The following GLRA2 variants were observed in gnomAD, a reference collection of about 807,000 sequenced individuals.
GLRA2 encodes the protein glycine receptor subunit alpha-2.
Under a neutral mutation model 31.6 loss-of-function variants are expected in GLRA2, and 11 were observed. That is an observed-to-expected ratio of 0.35 (90% CI 0.22 to 0.58). GLRA2 has a LOEUF of 0.58. GLRA2 is among the 20% of genes least tolerant of loss of function. GLRA2 has a pLI of 0.84. For missense variants in GLRA2, 212 were observed against 351.8 expected (o/e 0.60, Z 3.18); for synonymous variants, 132 against 134.0 (o/e 0.99, Z 0.10).
At chrX:14,698,092 G>T (rs770473191) in intron 8 of GLRA2, among the ~76,000 whole-genome samples, 64 of 111,865 alleles carry the variant, frequency 5.7e-4, no homozygotes, top group African/African-American at 1.8e-3. Flanking sequence ...GGTGAGGCAA[G>T]GTGAAGCAAA....
rs1264154521 is a variant in GLRA2 at position 14,731,167 on chromosome X, A to G, written c.*682A>G. 8.9e-6 allele frequency: 1 copy of G among 112,159 alleles called. No homozygotes were observed. Among genetic ancestry groups the G allele is most frequent in the East Asian group, 2.8e-4 (1 of 3,567 alleles). The allele number at this position is 112,159 out of a possible 1,213,427, so 9.2% of individuals were successfully genotyped here. ...AATAACAATGACAAAATAAACACCA[A>G]TGACAGAAAAATTTCTACTTTACTG... On this transcript the variant is annotated 3_prime_UTR_variant, in exon 9 of 9. Coordinates refer to ENST00000218075, the MANE Select transcript of GLRA2 (RefSeq NM_002063.4).
Position 14,623,744 on chromosome X carries a change from A to G in GLRA2, c.930+14539A>G, listed in dbSNP as rs1477116878. Among the ~76,000 whole-genome samples, 21 of 111,330 alleles carry G rather than the reference A, an allele frequency of 1.9e-4. No homozygotes were observed. In the East Asian group the frequency reaches 4.8e-3, roughly 26 times the overall value. On this transcript the variant is annotated intron_variant, in intron 7 of 8. Coordinates refer to ENST00000218075, the MANE Select transcript of GLRA2 (RefSeq NM_002063.4). ...AGCTTTTTGATGTGCTGCTGGATTC[A>G]GTTTGCCAGTATTTTATTGAGGATT...
chrX:14,529,930 C>A lies in GLRA2; in HGVS notation c.-128C>A. ...CTCAGCAAACTGTACAAAACCAAAT[C>A]TCTTTTTGATTTTCAAGGAAACTAG... On this transcript the variant is annotated 5_prime_UTR_variant, in exon 1 of 9. Transcript: ENST00000218075. 1 of 559,922 alleles carries A rather than the reference C, an allele frequency of 1.8e-6. No individual in the cohort carries two copies. The allele number at this position is 559,922 out of a possible 1,213,427, so 46.1% of individuals were successfully genotyped here.
At chrX:14,610,886 A>G (rs1043931947) in intron 7 of GLRA2, among the ~76,000 whole-genome samples, 3 of 112,486 alleles carry the variant, frequency 2.7e-5, no homozygotes, top group Non-Finnish European at 5.6e-5. Context: ...ACTATTGCTA[A>G]ATAAATGTTC....
chrX:14,676,599 G>T (rs144349165), intron 7 of GLRA2, among the ~76,000 whole-genome samples: 58 of 111,795 alleles, frequency 5.2e-4, no homozygotes, highest in African/African-American at 1.8e-3. Context: ...ATGAGGAATG[G>T]AGAGGGTATC....
chrX:14,654,850 T>C (rs2090924356), intron 7 of GLRA2, among the ~76,000 whole-genome samples: 1 of 111,292 alleles, frequency 9.0e-6, no homozygotes, highest in Non-Finnish European at 1.9e-5. Context: ...TGGTAGTAGG[T>C]GAAAGGCACA....
chrX:14,611,649 C>T (rs960671173), intron 7 of GLRA2, among the ~76,000 whole-genome samples: 14 of 111,865 alleles, frequency 1.3e-4, no homozygotes, highest in African/African-American at 4.2e-4. Flanking sequence ...AAAGAAGGTA[C>T]TGAGCATGTT....
At chrX:14,450,422 G>A in the GLRA2 span, among the ~76,000 whole-genome samples, 1 of 111,643 alleles carries the variant, frequency 9.0e-6, no homozygotes, top group Non-Finnish European at 1.9e-5. Flanking sequence ...TGCAGGTGTG[G>A]CGCCAGTAAT....
chrX:14,668,630 C>T (rs1399659276), intron 7 of GLRA2, among the ~76,000 whole-genome samples: 1 of 112,301 alleles, frequency 8.9e-6, no homozygotes, highest in Non-Finnish European at 1.9e-5. Flanking sequence ...AAAGGCACGT[C>T]TCACATGGCA....
rs1368685551 is a variant in GLRA2 at position 14,645,284 on chromosome X, T to C, written c.930+36079T>C. 4.5e-5 allele frequency among the ~76,000 whole-genome samples: 5 copies of C among 111,749 alleles called. No individual in the cohort carries two copies. In the East Asian group the frequency reaches 1.4e-3, roughly 32 times the overall value. Reference sequence around the variant, plus strand: ...GCCACAAACCCTCTTTACATACAGATCAAAGTGTCTAATACATAGTCTTCC... The same window carrying C: ...GCCACAAACCCTCTTTACATACAGACCAAAGTGTCTAATACATAGTCTTCC... On this transcript the variant is annotated intron_variant, in intron 7 of 8. Transcript: ENST00000218075.
At chrX:14,601,797 C>A (rs935095273) in intron 4 of GLRA2, among the ~76,000 whole-genome samples, 1 of 110,463 alleles carries the variant, frequency 9.1e-6, no homozygotes, top group African/African-American at 3.3e-5. Context: ...AAAAATGAAG[C>A]AGAGAAAGGA....
chrX:14,605,845 C>T (rs1426157096), intron 5 of GLRA2, among the ~76,000 whole-genome samples: 4 of 111,139 alleles, frequency 3.6e-5, no homozygotes, highest in Non-Finnish European at 7.6e-5. Flanking sequence ...ATTGTGGTGG[C>T]CAACGAGAAG....
chrX:14,671,449 T>G (rs775485208), intron 7 of GLRA2, among the ~76,000 whole-genome samples: 1 of 112,080 alleles, frequency 8.9e-6, no homozygotes, highest in Non-Finnish European at 1.9e-5. Flanking sequence ...AAGTGTATTA[T>G]TGAGTTGGTT....
At chrX:14,583,150 T>C (rs771168448) in intron 4 of GLRA2, among the ~76,000 whole-genome samples, 27 of 111,508 alleles carry the variant, frequency 2.4e-4, no homozygotes, top group Admixed American at 7.6e-4. Context: ...TGGCTATTAT[T>C]AAAAAGTCAA....
intron 6 of GLRA2, 26 bp downstream of exon 6, chrX:14,607,294 A>C: frequency 1.3e-6 from 1 of 783,183 alleles, no homozygotes; most frequent in Non-Finnish European, 1.8e-6. Flanking sequence ...TTTTTTTTTC[A>C]GCTGTTAAAC....
At chrX:14,675,828 G>A (rs751865228) in intron 7 of GLRA2, among the ~76,000 whole-genome samples, 4 of 111,919 alleles carry the variant, frequency 3.6e-5, no homozygotes, top group African/African-American at 6.5e-5. Context: ...TTTTTTTCTC[G>A]TGATACAGTT....
At chrX:14,648,656 CA>C (rs1228547552) in intron 7 of GLRA2, among the ~76,000 whole-genome samples, 1 of 111,319 alleles carries the variant, frequency 9.0e-6, no homozygotes, top group Non-Finnish European at 1.9e-5. Flanking sequence ...AACAATGGGC[CA>C]AAAAATTTCA....
chrX:14,538,159 T>C (rs768026703), intron 2 of GLRA2, among the ~76,000 whole-genome samples: 1 of 110,111 alleles, frequency 9.1e-6, no homozygotes, highest in Admixed American at 9.6e-5. Flanking sequence ...CAGGGTAGTA[T>C]AGTGGAAAGA....
chrX:14,592,056 T>C (rs752779523), intron 4 of GLRA2, among the ~76,000 whole-genome samples: 5 of 111,520 alleles, frequency 4.5e-5, no homozygotes, highest in Admixed American at 9.6e-5. Flanking sequence ...GTTTCCTCTA[T>C]AAAATGAGAC....
Sources: allele counts gnomAD v4.1 joint callset (sites outside exome capture counted in the v4.1 genomes callset), GRCh38; gene constraint gnomAD v4.1.1; transcripts MANE v1.5; gene names NCBI Gene and HGNC (gene_info 2026-07-23, HGNC 2026-07-21).